Variants in PTCHD1 observed in about 807,000 individuals in gnomAD.
The protein encoded by PTCHD1 is patched domain-containing protein 1.
A neutral mutation model predicts 34.6 loss-of-function variants in PTCHD1; 3 were observed. The observed-to-expected ratio is 0.09, with a 90% confidence interval of 0.04 to 0.22. PTCHD1 has a LOEUF of 0.22. Among genes scored for constraint, PTCHD1 ranks in the 10% least tolerant of loss-of-function variants. PTCHD1 has a pLI of 1.00. For missense variants in PTCHD1, 504 were observed against 685.5 expected (o/e 0.74, Z 2.96); for synonymous variants, 305 against 283.1 (o/e 1.08, Z -0.77).
At chrX:23,337,593 CA>C (rs1921202910) in intron 1 of PTCHD1, among the ~76,000 whole-genome samples, 1 of 109,256 alleles carries the variant, frequency 9.2e-6, no homozygotes, top group Admixed American at 9.8e-5. Context: ...GTGAAAGAAT[CA>C]CTGTTATTGT....
In PTCHD1 at chrX:23,392,928, T is replaced by C. The variant is rs1389645665; in HGVS notation, c.1410T>C (p.Ala470=). 4.1e-6 allele frequency: 5 copies of C among 1,211,050 alleles called. No individual in the cohort carries two copies. Among genetic ancestry groups the C allele is most frequent in the Non-Finnish European group, 5.6e-6 (5 of 895,487 alleles). The change falls in exon 3 of 3, where the codon GCT becomes GCC. Residue 470 remains alanine, a synonymous_variant. Transcript: ENST00000379361. ...CGGCCAGATTCAGTGAGGACACAGCTGAAGGCGAGGAAGCGAACACTTACG... is the reference window on the plus strand; with the variant it reads ...CGGCCAGATTCAGTGAGGACACAGCCGAAGGCGAGGAAGCGAACACTTACG... ...LLTARFSEDT[A]EGEEANTYES...
intron 1 of PTCHD1, among the ~76,000 whole-genome samples, chrX:23,364,321 A>T (rs1447926981): frequency 9.2e-6 from 1 of 109,220 alleles, no homozygotes; most frequent in African/African-American, 3.3e-5. Context: ...TGCACTTAAC[A>T]TTTACACATT....
chrX:23,337,338 T>C (rs1261981224), intron 1 of PTCHD1, among the ~76,000 whole-genome samples: 1 of 111,924 alleles, frequency 8.9e-6, no homozygotes, highest in African/African-American at 3.3e-5. Flanking sequence ...GTCAAATGAG[T>C]TCATACAGCT....
intron 1 of PTCHD1, among the ~76,000 whole-genome samples, chrX:23,356,573 A>C (rs1443482180): frequency 3.6e-5 from 4 of 111,832 alleles, no homozygotes; most frequent in African/African-American, 1.3e-4. Context: ...CAGGGCTCTA[A>C]AGAGTGCCCG....
In PTCHD1 at chrX:23,394,131, A is replaced by G; in HGVS notation, c.2613A>G (p.Val871=). 1.7e-6 allele frequency: 2 copies of G among 1,210,298 alleles called. No homozygotes were observed. Among genetic ancestry groups the G allele is most frequent in the Non-Finnish European group, 2.2e-6 (2 of 894,685 alleles). The change falls in exon 3 of 3, where the codon GTA becomes GTG. Residue 871 remains valine, a synonymous_variant. Coordinates refer to ENST00000379361, the MANE Select transcript of PTCHD1 (RefSeq NM_173495.3). ...AGAACCGGGAGGAAATTGAGTGTGT[A>G]GAAATGGTAGATATCGATAGTACCC... ...NPENREEIEC[V]EMVDIDSTRV... is the part of the protein sequence containing the mutation.
chrX:23,334,568 G>A (rs1237363165), upstream of PTCHD1: 1 of 108,044 alleles, frequency 9.3e-6, no homozygotes, highest in Non-Finnish European at 1.9e-5. Context: ...GGCCGCGGGG[G>A]GTGGGGAGGG....
chrX:23,387,622 A>T (rs1006094629), intron 2 of PTCHD1, among the ~76,000 whole-genome samples: 1 of 111,851 alleles, frequency 8.9e-6, no homozygotes, highest in Non-Finnish European at 1.9e-5. Context: ...TCCCGGCCCA[A>T]ATTTTGCCTC....
At chrX:23,364,981 C>G (rs1052864408) in intron 1 of PTCHD1, among the ~76,000 whole-genome samples, 22 of 112,239 alleles carry the variant, frequency 2.0e-4, no homozygotes, top group Admixed American at 1.8e-3. Context: ...TGGCAGGATG[C>G]AGGTCTAAGT....
chrX:23,389,830 CAAAAT>C (rs1462364954), intron 2 of PTCHD1, among the ~76,000 whole-genome samples: 3 of 111,709 alleles, frequency 2.7e-5, no homozygotes, highest in Non-Finnish European at 5.6e-5. Flanking sequence ...AGCCAGGACT[CAAAAT>C]AAAAGATCAA....
intron 1 of PTCHD1, among the ~76,000 whole-genome samples, chrX:23,343,567 G>A (rs758812968): frequency 8.9e-6 from 1 of 112,537 alleles, no homozygotes; most frequent in South Asian, 3.7e-4. Context: ...CATAGCACCA[G>A]TGTTCAGGAG....
intron 1 of PTCHD1, among the ~76,000 whole-genome samples, chrX:23,366,687 T>G (rs1264952706): frequency 9.0e-6 from 1 of 111,653 alleles, no homozygotes; most frequent in Non-Finnish European, 1.9e-5. Flanking sequence ...TCTTTTGTCT[T>G]AGAACTCCAC....
rs1425862980 is a variant in PTCHD1, at chrX:23,395,568, TAAC to T, written c.*1386_*1388del. The T allele has an allele frequency of 9.0e-6, 1 of 111,551 alleles. No individual in the cohort carries two copies. The highest frequency in any genetic ancestry group is 3.3e-5 in the African/African-American group (1 of 30,621). 9.2% of individuals were successfully genotyped at this position (111,551 alleles called of 1,213,427 possible). A position where few individuals can be genotyped will look rare whatever the true frequency, so the allele number is the denominator to read the frequency against. On this transcript the variant is annotated 3_prime_UTR_variant, in exon 3 of 3. Transcript: ENST00000379361. ...ATCATAGCAAGGCCCTTCTGTAAAT[TAAC>T]AAGCCTAGATATTTATACTCTTGAC... is the stretch of plus-strand genomic sequence containing the variant.
At chrX:23,341,782 A>G (rs780950767) in intron 1 of PTCHD1, among the ~76,000 whole-genome samples, 22 of 112,791 alleles carry the variant, frequency 2.0e-4, no homozygotes, top group Non-Finnish European at 3.2e-4. Context: ...TGTGCTTGCA[A>G]CTTCTGAATT....
At chrX:23,334,750 T>TCGCCGCCGCCGCCGTCGCCGC (rs1373607976), upstream of PTCHD1, 1 of 125,685 alleles carries the variant, frequency 8.0e-6, no homozygotes, top group African/African-American at 3.5e-5. Context: ...GCTCAGGGTC[T>TCGCCGCCGCCGCCGTCGCCGC]CGCCGCCGCC....
intron 1 of PTCHD1, 123 bp downstream of exon 1, chrX:23,335,349 T>C: frequency 1.8e-6 from 1 of 565,796 alleles, no homozygotes; most frequent in Non-Finnish European, 2.8e-6. Flanking sequence ...GCAGGGACTC[T>C]CCTGCACCGC....
intron 1 of PTCHD1, among the ~76,000 whole-genome samples, chrX:23,353,449 T>C (rs932330130): frequency 4.5e-5 from 5 of 111,713 alleles, no homozygotes; most frequent in African/African-American, 1.6e-4. Context: ...ATTAGCCGGG[T>C]GTGGTGGTGC....
intron 1 of PTCHD1, among the ~76,000 whole-genome samples, chrX:23,341,049 G>A (rs184024054): frequency 8.9e-6 from 1 of 112,297 alleles, no homozygotes; most frequent in East Asian, 2.8e-4. Context: ...TGATTTTTGC[G>A]ATTAGTATGT....
rs755899054 is a variant in PTCHD1, at chrX:23,401,974, G to A, written c.*7789G>A. ...AAGAAGAATAGCATAGACCCAAAAC[G>A]ACAGAGATCTCTTCCAAGGTATGGA... On this transcript the variant is annotated 3_prime_UTR_variant, in exon 3 of 3. Transcript: ENST00000379361. 8.9e-6 allele frequency: 1 copy of A among 112,320 alleles called. No individual in the cohort carries two copies. Among genetic ancestry groups the A allele is most frequent in the Non-Finnish European group, 1.9e-5 (1 of 53,255 alleles). 9.3% of individuals were successfully genotyped at this position (112,320 alleles called of 1,213,427 possible). A position where few individuals can be genotyped will look rare whatever the true frequency, so the allele number is the denominator to read the frequency against.
chrX:23,393,225 T>C lies in PTCHD1; in HGVS notation c.1707T>C (p.Thr569=), dbSNP rs188246947. ...ATGAGTCTATAGAATACTGGAACAC[T>C]AGTGTCCAAGAAGATGTTCTAGAAT... ...YIYESIEYWN[T]SVQEDVLEYT... is the part of the protein sequence containing the mutation. The change falls in exon 3 of 3, where the codon ACT becomes ACC. Residue 569 remains threonine, a synonymous_variant. Coordinates refer to ENST00000379361, the MANE Select transcript of PTCHD1 (RefSeq NM_173495.3). 8.3e-7 allele frequency: 1 copy of C among 1,206,057 alleles called. No individual in the cohort carries two copies. Among genetic ancestry groups the C allele is most frequent in the East Asian group, 3.0e-5 (1 of 33,743 alleles).
Sources: gnomAD v4.1 joint callset for allele counts (sites outside exome capture counted in the v4.1 genomes callset) on GRCh38, gnomAD v4.1.1 for gene constraint, MANE v1.5 for transcripts, NCBI Gene and HGNC (gene_info 2026-07-23, HGNC 2026-07-21) for gene names.